FAM83G: variants seen among roughly 807,000 people sequenced by gnomAD.
FAM83G encodes the protein scaffolding CK1 anchoring protein G, also known as protein FAM83G.
Under a neutral mutation model 61.5 loss-of-function variants are expected in FAM83G, and 38 were observed. That is an observed-to-expected ratio of 0.62 (90% confidence interval 0.48 to 0.81). The LOEUF is 0.81. FAM83G is among the 30% of genes least tolerant of loss of function. FAM83G has a pLI of 0.00. For missense variants in FAM83G, 989 were observed against 1,133.6 expected (o/e 0.87, Z 1.83); for synonymous variants, 470 against 476.1 (o/e 0.99, Z 0.17).
intron 3 of FAM83G, among the ~76,000 whole-genome samples, chr17:18,987,769 G>A (rs1269783743): frequency 6.6e-6 from 1 of 152,230 alleles, no homozygotes; most frequent in Non-Finnish European, 1.5e-5. Flanking sequence ...GCCTGAGGGA[G>A]CTTCCTCTGT....
chr17:18,996,077 TCTCA>T lies in FAM83G; in HGVS notation c.522+7439_522+7442del, dbSNP rs1413112094. Among the ~76,000 whole-genome samples the T allele has an allele frequency of 3.2e-4, 48 of 151,576 alleles. 1 individual carries two copies. The South Asian group carries it at 8.2e-3, about 26-fold the overall frequency. Reference sequence around the variant, plus strand: ...TGTCAAGGAACAAAGTAAGTGGACTTCTCATCAGAATCACTGCAAGCCACAAGAC... The same window carrying T: ...TGTCAAGGAACAAAGTAAGTGGACTTTCAGAATCACTGCAAGCCACAAGAC... On this transcript the variant is annotated intron_variant, in intron 2 of 5. Transcript: ENST00000388995. This position sits in a 1 kb window ranked among gnomAD's most constrained non-coding sequence, Gnocchi z 4.4.
Position 19,003,566 on chromosome 17 carries a change from G to A in FAM83G, c.476C>T (p.Ala159Val). The change falls in exon 2 of 6, where the codon GCC becomes GTC. Residue 159 changes from alanine (A) to valine (V), a missense_variant. Ala to Val is a moderately conservative substitution (Grantham distance 64). This residue lies in a region of FAM83G where 371 missense variants were observed against 404.5 expected (regional missense o/e 0.92). Transcript: ENST00000388995. The surrounding 1 kb of genome is among the most constrained non-coding windows in gnomAD (Gnocchi z 4.5). ...VYMQPPIDGQ[A>V]HIKEVVRKMI... ...CTTCCGCACCACCTCTTTGATGTGG[G>A]CCTGCCCGTCTATGGGGGGCTGCAT... 2 of 1,580,082 alleles carry A rather than the reference G, an allele frequency of 1.3e-6. No homozygotes were observed. The highest frequency in any genetic ancestry group is 1.7e-6 in the Non-Finnish European group (2 of 1,162,692).
intron 2 of FAM83G, among the ~76,000 whole-genome samples, chr17:18,991,579 G>A (rs891377016): frequency 5.3e-5 from 8 of 152,190 alleles, no homozygotes; most frequent in South Asian, 2.1e-4. Context: ...GGCAGGAGGC[G>A]GGTGGCCTGG....
In FAM83G at chr17:18,996,912, T is replaced by G. The variant is rs2043584246; in HGVS notation, c.522+6608A>C. Among the ~76,000 whole-genome samples, 1 of 152,260 alleles carries G rather than the reference T, an allele frequency of 6.6e-6. No individual in the cohort carries two copies. The highest frequency in any genetic ancestry group is 1.5e-5 in the Non-Finnish European group (1 of 68,040). On this transcript the variant is annotated intron_variant, in intron 2 of 5. Transcript: ENST00000388995. This position sits in a 1 kb window ranked among gnomAD's most constrained non-coding sequence, Gnocchi z 4.4. ...TGGAAGGTTAATGCCTGGGCCTCCC[T>G]GGCTCTGCCATGCCTTCCCTGGGTG...
chr17:19,005,656 C>A (rs2043866043), upstream of FAM83G, among the ~76,000 whole-genome samples: 1 of 151,960 alleles, frequency 6.6e-6, no homozygotes, highest in African/African-American at 2.4e-5. Context: ...AACCCCCCCC[C>A]TCCAAGGCCT....
intron 5 of FAM83G, 184 bp downstream of exon 5, chr17:18,977,400 T>C (rs1031074893): frequency 3.2e-6 from 2 of 632,628 alleles, no homozygotes; most frequent in Non-Finnish European, 5.4e-6. Flanking sequence ...GCATTAATGA[T>C]GGCCTTCCAT....
chr17:18,979,288 AGGCTTGCGAAGGCAC>A, intron 4 of FAM83G: 1 of 519,158 alleles, frequency 1.9e-6, no homozygotes, highest in Non-Finnish European at 3.5e-6. Context: ...TGACCCCCAT[AGGCTTGCGAAGGCAC>A]GGCCTGGCCA....
chr17:18,976,777 T>G (rs574050907), intron 5 of FAM83G: 1 of 1,569,404 alleles, frequency 6.4e-7, no homozygotes, highest in African/African-American at 1.3e-5. Context: ...GCCCATTCCC[T>G]GAGGCCCACC....
chr17:19,002,048 T>G (rs1412068444), intron 2 of FAM83G, among the ~76,000 whole-genome samples: 1 of 152,174 alleles, frequency 6.6e-6, no homozygotes, highest in Non-Finnish European at 1.5e-5. Context: ...TCAGCAGCAC[T>G]TCCTCCACAC....
Position 18,996,160 on chromosome 17 carries a change from A to G in FAM83G, c.522+7360T>C, listed in dbSNP as rs2043567209. Among the ~76,000 whole-genome samples, 2 of 152,110 alleles carry G rather than the reference A, an allele frequency of 1.3e-5. No individual in the cohort carries two copies. The highest frequency in any genetic ancestry group is 2.9e-5 in the Non-Finnish European group (2 of 68,022). ...GGAAAAAAAAAAAAATCAACTTAGA[A>G]TTTTATACCCAGTAAAAATACATTT... is the stretch of plus-strand genomic sequence containing the variant. On this transcript the variant is annotated intron_variant, in intron 2 of 5. Coordinates refer to ENST00000388995, the MANE Select transcript of FAM83G (RefSeq NM_001039999.3). The surrounding 1 kb of genome is among the most constrained non-coding windows in gnomAD (Gnocchi z 4.4).
Position 19,004,129 on chromosome 17 carries a change from G to A in FAM83G, c.-88C>T, listed in dbSNP as rs2043813715. On this transcript the variant is annotated 5_prime_UTR_variant, in exon 2 of 6. Transcript: ENST00000388995. The surrounding 1 kb of genome is among the most constrained non-coding windows in gnomAD (Gnocchi z 5.4). Reference sequence around the variant, plus strand: ...GCCCAGCTGGGGCACCGCGCGCTCGGGGGCCTCTCCGCGGCCTCTGCTTCT... The same window carrying A: ...GCCCAGCTGGGGCACCGCGCGCTCGAGGGCCTCTCCGCGGCCTCTGCTTCT... 3.0e-6 allele frequency: 4 copies of A among 1,329,512 alleles called. No homozygotes were observed. The East Asian group carries it at 7.2e-5, about 24-fold the overall frequency. 82.4% of individuals were successfully genotyped at this position (1,329,512 alleles called of 1,614,324 possible).
intron 2 of FAM83G, among the ~76,000 whole-genome samples, chr17:18,991,512 A>T (rs1212713228): frequency 6.6e-6 from 1 of 152,108 alleles, no homozygotes; most frequent in African/African-American, 2.4e-5. Context: ...TGGAAATGAG[A>T]GGGGAGGCTG....
chr17:18,976,782 C>A, intron 5 of FAM83G: 6 of 1,571,414 alleles, frequency 3.8e-6, no homozygotes, highest in Admixed American at 3.4e-5. Context: ...TTCCCTGAGG[C>A]CCACCAAGGA....
At chr17:18,999,968 G>C (rs896079941) in intron 2 of FAM83G, among the ~76,000 whole-genome samples, 1 of 152,242 alleles carries the variant, frequency 6.6e-6, no homozygotes, top group African/African-American at 2.4e-5. Context: ...GCATCTGCTG[G>C]AGGAGCAACC....
At chr17:18,993,185 C>T (rs1023504622) in intron 2 of FAM83G, among the ~76,000 whole-genome samples, 3 of 152,162 alleles carry the variant, frequency 2.0e-5, no homozygotes, top group South Asian at 2.1e-4. Context: ...CTCTCCCCGA[C>T]GCTTCCTGAT....
intron 3 of FAM83G, among the ~76,000 whole-genome samples, chr17:18,985,452 A>G (rs559654978): frequency 6.6e-6 from 1 of 152,308 alleles, no homozygotes; most frequent in South Asian, 2.1e-4. Flanking sequence ...CCTGGGCCCA[A>G]AGGAGCTGGG....
At chr17:18,993,488 C>T (rs575382636) in intron 2 of FAM83G, among the ~76,000 whole-genome samples, 1 of 152,152 alleles carries the variant, frequency 6.6e-6, no homozygotes, top group Non-Finnish European at 1.5e-5. Context: ...CCTCACCCTC[C>T]TAGGCCTCAG....
chr17:18,997,121 TTC>T (rs1214082377), intron 2 of FAM83G, among the ~76,000 whole-genome samples: 1 of 152,262 alleles, frequency 6.6e-6, no homozygotes, highest in Non-Finnish European at 1.5e-5. Flanking sequence ...AGATCAGGCC[TTC>T]TGAGCACCAA....
At position 18,968,922 on chromosome 17, in the gene FAM83G, G is replaced by A. The variant is rs2042767081; in HGVS notation, c.*2437C>T. The A allele has an allele frequency of 1.6e-5, 12 of 753,244 alleles. No individual in the cohort carries two copies. The Admixed American group carries it at 2.0e-4, about 13-fold the overall frequency. The allele number at this position is 753,244 out of a possible 1,614,324, so 46.7% of individuals were successfully genotyped here. ...GGCCCCGTGATGCAGGCAGGCAGGCGAGTGGGGGTCTCCCCTCCTTATCCA... is the reference window on the plus strand; with the variant it reads ...GGCCCCGTGATGCAGGCAGGCAGGCAAGTGGGGGTCTCCCCTCCTTATCCA... On this transcript the variant is annotated 3_prime_UTR_variant, in exon 6 of 6. Transcript: ENST00000388995. The surrounding 1 kb of genome is among the most constrained non-coding windows in gnomAD (Gnocchi z 4.1).
Sources: gnomAD v4.1 joint callset for allele counts (sites outside exome capture counted in the v4.1 genomes callset) on GRCh38, gnomAD v4.1.1 for gene constraint, gnomAD v4.1.1 regional missense constraint, Gnocchi (gnomAD v3.1) non-coding constraint, MANE v1.5 for transcripts, NCBI Gene and HGNC (gene_info 2026-07-23, HGNC 2026-07-21) for gene names.